Variants in MCC observed in about 807,000 individuals in gnomAD.
MCC encodes colorectal mutant cancer protein.
A neutral mutation model predicts 116.2 loss-of-function variants in MCC; 90 were observed. The observed-to-expected ratio is 0.77, with a 90% CI of 0.65 to 0.92. The LOEUF is 0.92. MCC is among the 40% of genes least tolerant of loss of function. The probability of loss-of-function intolerance (pLI) is 0.00; values close to 1 mark genes in which losing one functional copy is unlikely to be tolerated. For missense variants in MCC, 1,516 were observed against 1,312.2 expected, an observed-to-expected ratio of 1.16 and a Z score of -2.40; for synonymous variants, 578 against 510.5, an observed-to-expected ratio of 1.13 and a Z score of -1.78.
chr5:113,197,172 C>T (rs764122950), intron 3 of MCC, among the ~76,000 whole-genome samples: 5 of 152,136 alleles, frequency 3.3e-5, no homozygotes, highest in Non-Finnish European at 2.9e-5. Context: ...TTCTTAAATA[C>T]GTTCTGGGTC....
chr5:113,387,569 A>G (rs561291442), intron 1 of MCC, among the ~76,000 whole-genome samples: 72 of 152,346 alleles, frequency 4.7e-4, no homozygotes, highest in African/African-American at 1.4e-3. Context: ...AGCAAAAAAT[A>G]AAGAGGTTTT....
At chr5:113,196,180 T>C (rs1203052555) in intron 3 of MCC, among the ~76,000 whole-genome samples, 26 of 152,340 alleles carry the variant, frequency 1.7e-4, no homozygotes, top group Admixed American at 1.7e-3. Flanking sequence ...TAATGGGAAA[T>C]ATCTTCATTC....
At chr5:113,112,320 G>A (rs1255176757) in intron 6 of MCC, among the ~76,000 whole-genome samples, 2 of 152,154 alleles carry the variant, frequency 1.3e-5, no homozygotes, top group Non-Finnish European at 2.9e-5. Context: ...GGCTTGTTGG[G>A]AGGTGACTGG....
intron 17 of MCC, among the ~76,000 whole-genome samples, chr5:113,038,926 G>A (rs1198904267): frequency 2.6e-5 from 4 of 152,216 alleles, no homozygotes; most frequent in East Asian, 1.9e-4. Flanking sequence ...TGGCAAACAC[G>A]CAGACACAGA....
chr5:113,143,235 C>A lies in MCC; in HGVS notation c.867G>T (p.Leu289=). ...CCGCGTACCTGATGGTGGTGCCTTG[C>A]AGACGGTCTATCTTCTTGTTGAGCT... The part of the protein sequence containing the change: ...IAELNKKIDR[L]QGTTIREEDE... The change falls in exon 5 of 19, where the codon CTG becomes CTT. Residue 289 remains leucine (L), a synonymous_variant. Coordinates refer to ENST00000408903, the MANE Select transcript of MCC (RefSeq NM_001085377.2). 6.2e-7 allele frequency: 1 copy of A among 1,607,088 alleles called. No homozygotes were observed. Among genetic ancestry groups the A allele is most frequent in the Non-Finnish European group, 8.5e-7 (1 of 1,177,312 alleles).
At chr5:113,262,762 C>T (rs1285085594) in intron 3 of MCC, among the ~76,000 whole-genome samples, 2 of 152,016 alleles carry the variant, frequency 1.3e-5, no homozygotes, top group Non-Finnish European at 2.9e-5. Context: ...AAAGGAAATT[C>T]CTGGGCCCTG....
At chr5:113,125,777 C>A (rs916388146) in intron 5 of MCC, among the ~76,000 whole-genome samples, 1 of 152,082 alleles carries the variant, frequency 6.6e-6, no homozygotes, top group East Asian at 1.9e-4. Context: ...CTAGAGGATG[C>A]CTGGTGAGGC....
intron 4 of MCC, among the ~76,000 whole-genome samples, chr5:113,148,212 C>T (rs960452674): frequency 1.3e-5 from 2 of 152,190 alleles, no homozygotes; most frequent in East Asian, 1.9e-4. Context: ...TGTCTGTGCC[C>T]GTATTCAATT....
intron 1 of MCC, among the ~76,000 whole-genome samples, chr5:113,386,175 G>C (rs750010487): frequency 6.6e-6 from 1 of 152,152 alleles, no homozygotes; most frequent in African/African-American, 2.4e-5. Context: ...AGTGCTGGAA[G>C]AGACATTAGA....
intron 3 of MCC, among the ~76,000 whole-genome samples, chr5:113,246,666 GA>G (rs1248321657): frequency 6.6e-6 from 1 of 152,180 alleles, no homozygotes; most frequent in Non-Finnish European, 1.5e-5. Context: ...CTTTTTTCTT[GA>G]AAACTGTCTC....
chr5:113,410,235 A>G (rs913868956), intron 1 of MCC, among the ~76,000 whole-genome samples: 3 of 152,220 alleles, frequency 2.0e-5, no homozygotes, highest in African/African-American at 7.2e-5. Context: ...TACAAGGGAT[A>G]CCTTGTGGAT....
rs368646396 is a variant in MCC at position 113,082,619 on chromosome 5, G to C, written c.1784+241C>G. Among the ~76,000 whole-genome samples, 36 of 152,364 alleles carry C rather than the reference G, an allele frequency of 2.4e-4. No individual in the cohort carries two copies. In the East Asian group the frequency reaches 6.7e-3, roughly 29 times the overall value. On this transcript the variant is annotated intron_variant, in intron 11 of 18. Coordinates refer to ENST00000408903, the MANE Select transcript of MCC (RefSeq NM_001085377.2). ...CGTTGACAGCAGAGCAGTGAAGCAA[G>C]TATGGCACCTTTCTAAGCATAAGGC...
At chr5:113,232,654 T>C (rs1763978220) in intron 3 of MCC, among the ~76,000 whole-genome samples, 1 of 152,208 alleles carries the variant, frequency 6.6e-6, no homozygotes. Context: ...GAAAGTACTT[T>C]GAAAATTTAT....
intron 3 of MCC, among the ~76,000 whole-genome samples, chr5:113,170,422 G>T (rs745925896): frequency 2.0e-5 from 3 of 152,232 alleles, no homozygotes; most frequent in African/African-American, 4.8e-5. Context: ...AACCACAACT[G>T]CATGAATGGT....
chr5:113,302,651 T>G (rs1035429437), intron 3 of MCC, among the ~76,000 whole-genome samples: 5 of 152,200 alleles, frequency 3.3e-5, no homozygotes, highest in Admixed American at 2.0e-4. Flanking sequence ...CTGGGATTCA[T>G]GTCAAAGTAC....
intron 8 of MCC, among the ~76,000 whole-genome samples, chr5:113,086,079 T>C (rs76361504): frequency 0.021 from 3,193 of 152,260 alleles, 94 homozygotes; most frequent in African/African-American, 0.066. Flanking sequence ...CAGGATGATA[T>C]CACCTCTCAT....
At chr5:113,403,349 T>C (rs1003483197) in intron 1 of MCC, among the ~76,000 whole-genome samples, 2 of 152,170 alleles carry the variant, frequency 1.3e-5, no homozygotes, top group African/African-American at 4.8e-5. Context: ...AAACAACTCA[T>C]AGTAATGCCA....
intron 3 of MCC, among the ~76,000 whole-genome samples, chr5:113,248,008 C>T (rs1036172997): frequency 2.6e-5 from 4 of 151,868 alleles, no homozygotes; most frequent in East Asian, 1.9e-4. Context: ...CAGATCTCAG[C>T]CTGGGGCACA....
At chr5:113,444,086 C>G (rs1188031283) in intron 1 of MCC, among the ~76,000 whole-genome samples, 1 of 151,990 alleles carries the variant, frequency 6.6e-6, no homozygotes, top group African/African-American at 2.4e-5. Flanking sequence ...CTCACGTGAT[C>G]TATCCGCTTT....
Sources: gnomAD v4.1 joint callset for allele counts (sites outside exome capture counted in the v4.1 genomes callset) on GRCh38, gnomAD v4.1.1 for gene constraint, MANE v1.5 for transcripts, NCBI Gene and HGNC (gene_info 2026-07-23, HGNC 2026-07-21) for gene names.